NLGN1: variants seen among roughly 807,000 people sequenced by gnomAD.
NLGN1 encodes the protein neuroligin 1.
NLGN1 carries 12 observed loss-of-function variants against 65.5 expected under a neutral mutation model. That is an observed-to-expected ratio of 0.18 (90% CI 0.12 to 0.30). The LOEUF (loss-of-function observed/expected upper bound fraction) is 0.30. Ranked by LOEUF, NLGN1 falls within the 10% of genes least tolerant of loss-of-function variation. NLGN1 has a pLI of 1.00. For synonymous variants in NLGN1, 350 were observed against 359.5 expected, an observed-to-expected ratio of 0.97 and a Z score of 0.30; for missense variants, 750 against 1,007.1, an observed-to-expected ratio of 0.74 and a Z score of 3.46.
At chr3:173,574,349 C>T (rs1414992366) in intron 2 of NLGN1, among the ~76,000 whole-genome samples, 1 of 151,444 alleles carries the variant, frequency 6.6e-6, no homozygotes, top group Non-Finnish European at 1.5e-5. Context: ...CAGGGAGTAA[C>T]CCAAATATAA....
chr3:174,101,637 G>A (rs1712502111), intron 4 of NLGN1, among the ~76,000 whole-genome samples: 1 of 152,130 alleles, frequency 6.6e-6, no homozygotes, highest in African/African-American at 2.4e-5. Context: ...TCCTTCACAG[G>A]ACTGTATACC....
intron 4 of NLGN1, among the ~76,000 whole-genome samples, chr3:173,904,514 T>C (rs1737982172): frequency 1.3e-5 from 2 of 152,150 alleles, no homozygotes; most frequent in Non-Finnish European, 2.9e-5. Flanking sequence ...AAAGGGTTTT[T>C]TTTTTTTCAT....
At chr3:174,016,245 A>C (rs1423886978) in intron 4 of NLGN1, among the ~76,000 whole-genome samples, 1 of 152,188 alleles carries the variant, frequency 6.6e-6, no homozygotes. Context: ...AGACCGTTAG[A>C]GTGAGCATCA....
intron 4 of NLGN1, among the ~76,000 whole-genome samples, chr3:173,856,224 T>C (rs960539315): frequency 7.2e-5 from 11 of 152,024 alleles, no homozygotes; most frequent in African/African-American, 2.4e-4. Flanking sequence ...TTGCAACATG[T>C]TCAGGCTTTT....
At chr3:173,633,671 G>A (rs1463344980) in intron 3 of NLGN1, among the ~76,000 whole-genome samples, 2 of 152,120 alleles carry the variant, frequency 1.3e-5, no homozygotes, top group South Asian at 2.1e-4. Flanking sequence ...AGGTAGGCCA[G>A]CCCTTTGGGC....
At chr3:173,533,857 C>G (rs566870055) in intron 2 of NLGN1, among the ~76,000 whole-genome samples, 1 of 152,112 alleles carries the variant, frequency 6.6e-6, no homozygotes, top group South Asian at 2.1e-4. Context: ...TGATGCGCGC[C>G]TATAGTCTCA....
At chr3:174,173,051 C>A (rs1008709907) in intron 4 of NLGN1, among the ~76,000 whole-genome samples, 5 of 145,386 alleles carry the variant, frequency 3.4e-5, no homozygotes, top group Non-Finnish European at 7.4e-5. Flanking sequence ...GGGGTAATTC[C>A]TGTGTATTTA....
At chr3:173,820,096 G>A (rs370196978) in intron 4 of NLGN1, among the ~76,000 whole-genome samples, 2 of 151,550 alleles carry the variant, frequency 1.3e-5, no homozygotes, top group African/African-American at 2.4e-5. Flanking sequence ...GGAGAATGGC[G>A]CGAACCCGGG....
chr3:174,186,168 T>C (rs951963281), intron 4 of NLGN1, among the ~76,000 whole-genome samples: 7 of 152,148 alleles, frequency 4.6e-5, no homozygotes, highest in Admixed American at 4.6e-4. Context: ...CAACATCTAC[T>C]TCATGTGTGC....
In NLGN1 at chr3:173,652,594, G is replaced by A. The variant is rs972079382; in HGVS notation, c.493+47503G>A. On this transcript the variant is annotated intron_variant, in intron 3 of 6. Transcript: ENST00000457714. ...ACCTCTGGGATCTCAATTCTGTTCC[G>A]TTGATCTATTTGTCTGTTTGTATAC... is the stretch of plus-strand genomic sequence containing the variant. 1.6e-4 allele frequency among the ~76,000 whole-genome samples: 24 copies of A among 152,092 alleles called. No homozygotes were observed. The South Asian group carries it at 2.3e-3, about 14-fold the overall frequency.
At chr3:173,798,400 G>T (rs1190888870) in intron 3 of NLGN1, among the ~76,000 whole-genome samples, 1 of 151,918 alleles carries the variant, frequency 6.6e-6, no homozygotes, top group Non-Finnish European at 1.5e-5. Context: ...AATTTTTGAA[G>T]TCTAATATTT....
chr3:174,006,396 G>A (rs1207316312), intron 4 of NLGN1, among the ~76,000 whole-genome samples: 4 of 152,038 alleles, frequency 2.6e-5, no homozygotes, highest in African/African-American at 4.8e-5. Flanking sequence ...TCTTCCACAC[G>A]TATCCCTGTC....
chr3:173,499,879 T>G (rs1030857190), intron 2 of NLGN1, among the ~76,000 whole-genome samples: 1 of 151,890 alleles, frequency 6.6e-6, no homozygotes, highest in African/African-American at 2.4e-5. Context: ...TGTATAAGAA[T>G]ACTTGTGATT....
intron 4 of NLGN1, among the ~76,000 whole-genome samples, chr3:174,264,598 A>G (rs1747639224): frequency 1.3e-5 from 2 of 148,558 alleles, no homozygotes; most frequent in Admixed American, 6.8e-5. Flanking sequence ...ATTTTTTTCA[A>G]AGTTTTCAAC....
chr3:173,532,098 C>T (rs894559196), intron 2 of NLGN1, among the ~76,000 whole-genome samples: 2 of 152,146 alleles, frequency 1.3e-5, no homozygotes, highest in African/African-American at 4.8e-5. Context: ...GCTATACTTC[C>T]AAATGTCACT....
At position 173,560,286 on chromosome 3, in the gene NLGN1, G is replaced by A. The variant is rs376592047; in HGVS notation, c.-320-43993G>A. Among the ~76,000 whole-genome samples, 17 of 151,970 alleles carry A rather than the reference G, an allele frequency of 1.1e-4. 1 individual carries two copies. Among genetic ancestry groups the A allele is most frequent in the Admixed American group, 2.0e-4 (3 of 15,266 alleles). On this transcript the variant is annotated intron_variant, in intron 2 of 6. Coordinates refer to ENST00000457714, the Ensembl canonical transcript of NLGN1. ...ATTATGAATTTTTTCCTAAGCCATGGAAATATGGAATGGCAAGGAAACTGA... is the reference window on the plus strand; with the variant it reads ...ATTATGAATTTTTTCCTAAGCCATGAAAATATGGAATGGCAAGGAAACTGA...
intron 4 of NLGN1, among the ~76,000 whole-genome samples, chr3:174,273,580 TAAG>T (rs1256523533): frequency 2.6e-5 from 4 of 151,742 alleles, no homozygotes; most frequent in Non-Finnish European, 5.9e-5. Context: ...TACTTCTATC[TAAG>T]AAGATACCAT....
intron 2 of NLGN1, among the ~76,000 whole-genome samples, chr3:173,592,395 T>C (rs1262090776): frequency 6.6e-6 from 1 of 152,228 alleles, no homozygotes; most frequent in African/African-American, 2.4e-5. Flanking sequence ...TCTTTTTCTC[T>C]TTTTGTTGTC....
chr3:173,754,230 TA>T, intron 3 of NLGN1, among the ~76,000 whole-genome samples: 1 of 151,784 alleles, frequency 6.6e-6, no homozygotes, highest in Non-Finnish European at 1.5e-5. Context: ...TAGTTTTTTG[TA>T]GAGATGGGGT....
Sources: allele counts gnomAD v4.1 joint callset (sites outside exome capture counted in the v4.1 genomes callset), GRCh38; gene constraint gnomAD v4.1.1; transcripts MANE v1.5; gene names NCBI Gene and HGNC (gene_info 2026-07-23, HGNC 2026-07-21).